Variants in CNBD1 observed in about 807,000 individuals in gnomAD.
CNBD1 encodes the protein cyclic nucleotide-binding domain-containing protein 1.
A neutral mutation model predicts 54.4 loss-of-function variants in CNBD1; 71 were observed. The ratio of observed to expected loss-of-function variants is 1.30; its 90% CI spans 1.08 to 1.59. The LOEUF is 1.59. CNBD1 is among the 40% of genes most tolerant of loss of function. The pLI is 0.00. For missense variants in CNBD1, 659 were observed against 518.0 expected, an observed-to-expected ratio of 1.27 and a Z score of -2.64; for synonymous variants, 182 against 170.7, an observed-to-expected ratio of 1.07 and a Z score of -0.51.
At chr8:87,358,217 C>T (rs1222457712) in intron 10 of CNBD1, among the ~76,000 whole-genome samples, 6 of 152,098 alleles carry the variant, frequency 3.9e-5, no homozygotes, top group Non-Finnish European at 7.4e-5. Context: ...CTAATAGTCT[C>T]TTACAGAATG....
chr8:86,962,519 C>T (rs2130472803), intron 4 of CNBD1, among the ~76,000 whole-genome samples: 1 of 152,264 alleles, frequency 6.6e-6, no homozygotes, highest in South Asian at 2.1e-4. Flanking sequence ...GGCACAGTGG[C>T]TTACACCTGT....
Position 87,353,755 on chromosome 8 carries a change from G to A in CNBD1, c.1272G>A (p.Glu424=), listed in dbSNP as rs1230847907. The change falls in exon 10 of 11, where the codon GAG becomes GAA. Residue 424 remains glutamate (E), a synonymous_variant. Transcript: ENST00000518476. The part of the protein sequence containing the change: ...TCTIITKKEV[E]MAIIEDKDLF... ...CAATCATTACCAAAAAAGAAGTTGA[G>A]ATGGCAATCATTGAAGATAAGGACC... is the stretch of plus-strand genomic sequence containing the variant. The A allele has an allele frequency of 6.2e-7, 1 of 1,610,206 alleles. No individual in the cohort carries two copies. The highest frequency in any genetic ancestry group is 8.5e-7 in the Non-Finnish European group (1 of 1,178,248).
intron 3 of CNBD1, among the ~76,000 whole-genome samples, chr8:86,928,947 C>T (rs1003461047): frequency 6.6e-6 from 1 of 152,140 alleles, no homozygotes; most frequent in Non-Finnish European, 1.5e-5. Flanking sequence ...CATTAACCAC[C>T]CTGAGGGGAG....
At chr8:87,249,400 A>G (rs917564132) in intron 6 of CNBD1, among the ~76,000 whole-genome samples, 9 of 152,116 alleles carry the variant, frequency 5.9e-5, no homozygotes, top group Non-Finnish European at 1.2e-4. Context: ...CAGGCCACAG[A>G]GCAGTATAAA....
At chr8:87,306,293 C>T (rs908815108) in intron 8 of CNBD1, among the ~76,000 whole-genome samples, 14 of 152,096 alleles carry the variant, frequency 9.2e-5, no homozygotes, top group Admixed American at 3.3e-4. Flanking sequence ...TTTTATACTG[C>T]TGGTGGGAGT....
At chr8:87,229,662 A>G (rs926233310) in intron 5 of CNBD1, among the ~76,000 whole-genome samples, 3 of 151,950 alleles carry the variant, frequency 2.0e-5, no homozygotes, top group Non-Finnish European at 4.4e-5. Context: ...CTTCATTTTA[A>G]CTCCATTTAC....
intron 6 of CNBD1, among the ~76,000 whole-genome samples, chr8:87,241,750 G>A (rs1325784171): frequency 1.3e-5 from 2 of 151,868 alleles, no homozygotes; most frequent in African/African-American, 4.8e-5. Flanking sequence ...TAAGTAATAG[G>A]ATATCAATAC....
At chr8:87,117,140 T>G (rs938681515) in intron 4 of CNBD1, among the ~76,000 whole-genome samples, 1 of 152,106 alleles carries the variant, frequency 6.6e-6, no homozygotes, top group Non-Finnish European at 1.5e-5. Flanking sequence ...GGCTCACGCC[T>G]GTAATCTCAG....
intron 3 of CNBD1, 146 bp downstream of exon 3, chr8:86,905,340 G>T: frequency 2.0e-6 from 1 of 509,188 alleles, no homozygotes; most frequent in Non-Finnish European, 3.5e-6. Context: ...CAAGGAAACA[G>T]AAATTAGTTG....
intron 3 of CNBD1, among the ~76,000 whole-genome samples, chr8:86,933,379 G>A (rs1809490108): frequency 6.6e-6 from 1 of 151,990 alleles, no homozygotes; most frequent in South Asian, 2.1e-4. Flanking sequence ...AGTCTTTGTG[G>A]TACATACATA....
intron 4 of CNBD1, among the ~76,000 whole-genome samples, chr8:87,028,231 A>T (rs1219157596): frequency 2.6e-5 from 4 of 152,192 alleles, no homozygotes; most frequent in Non-Finnish European, 5.9e-5. Flanking sequence ...ACCTATCCAG[A>T]TGCAGGTGCC....
chr8:87,036,271 T>C (rs1335559520), intron 4 of CNBD1, among the ~76,000 whole-genome samples: 2 of 152,172 alleles, frequency 1.3e-5, no homozygotes, highest in Non-Finnish European at 2.9e-5. Flanking sequence ...TAAATCTCTA[T>C]TTATTGTTCA....
chr8:87,045,379 T>A (rs1291391202), intron 4 of CNBD1, among the ~76,000 whole-genome samples: 2 of 152,156 alleles, frequency 1.3e-5, no homozygotes, highest in Non-Finnish European at 2.9e-5. Flanking sequence ...TCTTAATGTG[T>A]CAATGATTCT....
chr8:86,962,789 AAAAACAC>A (rs767606717), intron 4 of CNBD1, among the ~76,000 whole-genome samples: 2,347 of 134,338 alleles, frequency 0.017, 32 homozygotes, highest in Non-Finnish European at 0.027. Flanking sequence ...CCATCTCAAA[AAAAACAC>A]AAAAAACAAA....
At chr8:87,362,967 C>T (rs13280322) in intron 10 of CNBD1, among the ~76,000 whole-genome samples, 46,084 of 151,752 alleles carry the variant, frequency 0.3, 7,323 homozygotes, top group Middle Eastern at 0.41. Context: ...AACCCGTCAT[C>T]TATATTAGGT....
intron 10 of CNBD1, among the ~76,000 whole-genome samples, chr8:87,357,317 C>T (rs375967405): frequency 1.3e-5 from 2 of 152,280 alleles, no homozygotes; most frequent in South Asian, 4.1e-4. Context: ...GCAGCTTGCA[C>T]TCTGAGCCTG....
chr8:87,413,512 T>C (rs2130986966), intron 2 of CNBD1, among the ~76,000 whole-genome samples: 1 of 152,204 alleles, frequency 6.6e-6, no homozygotes, highest in Middle Eastern at 3.4e-3. Context: ...ATGCTTAAGA[T>C]ATTATTATAT....
chr8:87,350,031 G>A (rs1461294463), intron 8 of CNBD1, among the ~76,000 whole-genome samples: 1 of 152,132 alleles, frequency 6.6e-6, no homozygotes, highest in Non-Finnish European at 1.5e-5. Flanking sequence ...ACATGTTTAA[G>A]TGCATTATTT....
chr8:87,079,686 T>G (rs563439628), intron 4 of CNBD1, among the ~76,000 whole-genome samples: 14 of 152,204 alleles, frequency 9.2e-5, no homozygotes, highest in Non-Finnish European at 1.5e-4. Flanking sequence ...TTGTTTCTTT[T>G]TTTATTGAGT....
Sources: gnomAD v4.1 joint callset for allele counts (sites outside exome capture counted in the v4.1 genomes callset) on GRCh38, gnomAD v4.1.1 for gene constraint, MANE v1.5 for transcripts, NCBI Gene and HGNC (gene_info 2026-07-23, HGNC 2026-07-21) for gene names.